Variants in ADGRL3 observed in about 807,000 individuals in gnomAD.
The protein encoded by ADGRL3 is adhesion G protein-coupled receptor L3.
ADGRL3 carries 62 observed loss-of-function variants against 153.5 expected under a neutral mutation model. The ratio of observed to expected loss-of-function variants is 0.40; its 90% CI spans 0.33 to 0.50. ADGRL3 has a LOEUF of 0.50. ADGRL3 is among the 20% of genes least tolerant of loss of function. ADGRL3 has a pLI of 0.47. For missense variants in ADGRL3, 1,641 were observed against 1,859.4 expected (o/e 0.88, Z 2.16); for synonymous variants, 710 against 672.5 (o/e 1.06, Z -0.86).
intron 2 of ADGRL3, among the ~76,000 whole-genome samples, chr4:61,442,467 AATTGTTAG>A (rs1560639664): frequency 9.9e-5 from 15 of 152,150 alleles, no homozygotes; most frequent in African/African-American, 3.6e-4. Flanking sequence ...GACACACTGT[AATTGTTAG>A]ATTGGGGAGG....
chr4:61,733,681 G>T, intron 8 of ADGRL3, 127 bp downstream of exon 8: 1 of 699,948 alleles, frequency 1.4e-6, no homozygotes, highest in Non-Finnish European at 2.3e-6. Context: ...ATTGTTCTTT[G>T]TCTTTGCATC....
intron 16 of ADGRL3, among the ~76,000 whole-genome samples, chr4:61,947,514 A>G (rs755261452): frequency 5.3e-5 from 8 of 152,184 alleles, no homozygotes; most frequent in Non-Finnish European, 8.8e-5. Flanking sequence ...ATGGGTAACT[A>G]TGTGAGACGA....
At chr4:61,615,991 T>A (rs1209445135) in intron 5 of ADGRL3, among the ~76,000 whole-genome samples, 1 of 152,068 alleles carries the variant, frequency 6.6e-6, no homozygotes, top group African/African-American at 2.4e-5. Flanking sequence ...TACATTTCAA[T>A]AAAACTGGCT....
At chr4:61,583,816 A>G (rs181303530) in intron 4 of ADGRL3, 1 of 501,664 alleles carries the variant, frequency 2.0e-6, no homozygotes, top group Non-Finnish European at 4.0e-6. Context: ...GTTCTTTGAT[A>G]TAACAGATTA....
At chr4:61,771,533 C>A (rs1326644968) in intron 8 of ADGRL3, among the ~76,000 whole-genome samples, 1 of 152,152 alleles carries the variant, frequency 6.6e-6, no homozygotes, top group African/African-American at 2.4e-5. Flanking sequence ...ACAATTGAAT[C>A]CCCTTTTGTC....
intron 19 of ADGRL3, among the ~76,000 whole-genome samples, chr4:61,992,639 A>C (rs1309279787): frequency 1.3e-5 from 2 of 152,150 alleles, no homozygotes; most frequent in African/African-American, 4.8e-5. Context: ...TACTAAGTAC[A>C]TTTTACGTAT....
chr4:61,609,240 G>A lies in ADGRL3; in HGVS notation c.473+21800G>A, dbSNP rs1439153813. Among the ~76,000 whole-genome samples, 3 of 152,130 alleles carry A rather than the reference G, an allele frequency of 2.0e-5. No individual in the cohort carries two copies. In the East Asian group the frequency reaches 5.8e-4, roughly 29 times the overall value. Reference sequence around the variant, plus strand: ...TTAATGTTGAGATTAATTAAAATTTGCTCATCAGTATTCTCAGAGAAATCT... The same window carrying A: ...TTAATGTTGAGATTAATTAAAATTTACTCATCAGTATTCTCAGAGAAATCT... On this transcript the variant is annotated intron_variant, in intron 5 of 26. Transcript: ENST00000683033.
chr4:62,071,841 C>T lies in ADGRL3; in HGVS notation c.*933C>T. The T allele has an allele frequency of 3.0e-6, 1 of 338,454 alleles. No homozygotes were observed. Among genetic ancestry groups the T allele is most frequent in the Non-Finnish European group, 5.7e-6 (1 of 175,170 alleles). The allele number at this position is 338,454 out of a possible 1,614,324, so 21.0% of individuals were successfully genotyped here. A position where few individuals can be genotyped will look rare whatever the true frequency, so the allele number is the denominator to read the frequency against. ...AAGAATCATTTTCTAGTAATGCAAA[C>T]AAATTATTTTTTACAAAAAAACAAA... On this transcript the variant is annotated 3_prime_UTR_variant, in exon 27 of 27. Transcript: ENST00000683033.
intron 1 of ADGRL3, among the ~76,000 whole-genome samples, chr4:61,371,679 C>T (rs1170119161): frequency 2.6e-5 from 4 of 152,114 alleles, no homozygotes; most frequent in Non-Finnish European, 5.9e-5. Flanking sequence ...TCCTTCATTT[C>T]AACTTTGGTG....
intron 20 of ADGRL3, among the ~76,000 whole-genome samples, chr4:61,997,338 A>G (rs559413667): frequency 2.0e-5 from 3 of 151,352 alleles, no homozygotes; most frequent in Non-Finnish European, 2.9e-5. Flanking sequence ...CACCACATAG[A>G]TTTACTTCAT....
In ADGRL3 at chr4:61,513,979, A is replaced by C. The variant is rs1201530214; in HGVS notation, c.56-3336A>C. Reference sequence around the variant, plus strand: ...GGAGGGTTGCCTTCAACTTATGGTTAATGCCACAACATGCTGGTGTATTTT... The same window carrying C: ...GGAGGGTTGCCTTCAACTTATGGTTCATGCCACAACATGCTGGTGTATTTT... On this transcript the variant is annotated intron_variant, in intron 3 of 26. Coordinates refer to ENST00000683033, the MANE Select transcript of ADGRL3 (RefSeq NM_001387552.1). 2.0e-5 allele frequency among the ~76,000 whole-genome samples: 3 copies of C among 152,174 alleles called. No individual in the cohort carries two copies. The East Asian group carries it at 5.8e-4, about 29-fold the overall frequency.
At chr4:61,979,045 A>G (rs1372671306) in intron 17 of ADGRL3, among the ~76,000 whole-genome samples, 3 of 152,166 alleles carry the variant, frequency 2.0e-5, no homozygotes, top group Non-Finnish European at 4.4e-5. Flanking sequence ...ACATACTTAT[A>G]TGACACAACC....
At chr4:61,345,616 T>G (rs1052430649) in intron 1 of ADGRL3, among the ~76,000 whole-genome samples, 1 of 152,196 alleles carries the variant, frequency 6.6e-6, no homozygotes, top group Non-Finnish European at 1.5e-5. Context: ...TATATATTAT[T>G]AACTCATTAA....
intron 1 of ADGRL3, among the ~76,000 whole-genome samples, chr4:61,308,107 T>G (rs1287998376): frequency 6.6e-6 from 1 of 152,120 alleles, no homozygotes. Flanking sequence ...AAAAAGTTGC[T>G]TATGAGCATG....
chr4:61,909,602 G>A lies in ADGRL3; in HGVS notation c.1930G>A (p.Ala644Thr). The A allele has an allele frequency of 6.2e-7, 1 of 1,613,468 alleles. No individual in the cohort carries two copies. Among genetic ancestry groups the A allele is most frequent in the Non-Finnish European group, 8.5e-7 (1 of 1,179,692 alleles). ...ETAANIAREL[A>T]EQTRNHLNAG... is the part of the protein sequence containing the mutation. ...AGCTGCCAACATTGCTAGAGAGCTG[G>A]CTGAACAGACAAGAAATCACTTGAA... The change falls in exon 12 of 27, where the codon GCT becomes ACT. Residue 644 changes from alanine to threonine, a missense_variant. By Grantham distance (58) the Ala-to-Thr change is moderately conservative. Around this residue, in one of 5 missense-constraint regions of ADGRL3, gnomAD observed 734 missense variants for 797.0 expected, o/e 0.92. Coordinates refer to ENST00000683033, the MANE Select transcript of ADGRL3 (RefSeq NM_001387552.1).
At chr4:62,006,001 C>CATATATAT (rs1560494965) in intron 21 of ADGRL3, among the ~76,000 whole-genome samples, 1 of 64,530 alleles carries the variant, frequency 1.5e-5, no homozygotes, top group Non-Finnish European at 3.2e-5. Context: ...CACACACACA[C>CATATATAT]ACATATATAT....
chr4:61,784,059 A>T (rs958058603), intron 8 of ADGRL3, among the ~76,000 whole-genome samples: 1 of 152,106 alleles, frequency 6.6e-6, no homozygotes, highest in Admixed American at 6.6e-5. Flanking sequence ...AATCAGAGTT[A>T]GCCTAGAAAG....
chr4:61,671,529 T>C (rs925034553), intron 5 of ADGRL3, among the ~76,000 whole-genome samples: 5 of 152,184 alleles, frequency 3.3e-5, no homozygotes, highest in African/African-American at 9.7e-5. Flanking sequence ...TAAATTAAAA[T>C]TGCATATCTT....
At chr4:62,047,840 C>A (rs1731931353) in intron 25 of ADGRL3, among the ~76,000 whole-genome samples, 1 of 152,072 alleles carries the variant, frequency 6.6e-6, no homozygotes, top group African/African-American at 2.4e-5. Context: ...TTCCTTGAGG[C>A]CAATAGGCCA....
Sources: gnomAD v4.1 joint callset for allele counts (sites outside exome capture counted in the v4.1 genomes callset) on GRCh38, gnomAD v4.1.1 for gene constraint, gnomAD v4.1.1 regional missense constraint, MANE v1.5 for transcripts, NCBI Gene and HGNC (gene_info 2026-07-23, HGNC 2026-07-21) for gene names.